RAI14: variants seen among roughly 807,000 people sequenced by gnomAD.
RAI14 encodes retinoic acid induced 14, also known as ankycorbin.
RAI14 carries 45 observed loss-of-function variants against 115.4 expected under a neutral mutation model. The observed-to-expected ratio is 0.39, with a 90% confidence interval of 0.31 to 0.50. The LOEUF (loss-of-function observed/expected upper bound fraction) is 0.50. Ranked by LOEUF, RAI14 falls within the 20% of genes least tolerant of loss-of-function variation. The pLI is 0.85. For synonymous variants in RAI14, 371 were observed against 415.4 expected, an observed-to-expected ratio of 0.89 and a Z score of 1.30; for missense variants, 939 against 1,131.2, an observed-to-expected ratio of 0.83 and a Z score of 2.44.
intron 2 of RAI14, among the ~76,000 whole-genome samples, chr5:34,721,532 A>G (rs546395215): frequency 3.3e-5 from 5 of 152,230 alleles, no homozygotes; most frequent in African/African-American, 1.2e-4. Context: ...GCCAGGCTCA[A>G]AAAAGTAAAC....
intron 1 of RAI14, among the ~76,000 whole-genome samples, chr5:34,659,576 T>C (rs1335945896): frequency 6.6e-6 from 1 of 152,218 alleles, no homozygotes; most frequent in East Asian, 1.9e-4. Flanking sequence ...TGTTACACTT[T>C]TTCTGCTGAG....
chr5:34,681,121 GTGT>G (rs1236638857), intron 1 of RAI14, among the ~76,000 whole-genome samples: 1 of 152,214 alleles, frequency 6.6e-6, no homozygotes, highest in Non-Finnish European at 1.5e-5. Flanking sequence ...GTGAGGTACT[GTGT>G]TGTTAAGGTA....
chr5:34,685,975 G>A (rs1744823310), intron 1 of RAI14, among the ~76,000 whole-genome samples: 1 of 152,186 alleles, frequency 6.6e-6, no homozygotes, highest in African/African-American at 2.4e-5. Flanking sequence ...CCTGAGGAAT[G>A]AGCTATTTGA....
chr5:34,824,429 C>A lies in RAI14; in HGVS notation c.2587C>A (p.Leu863Ile), dbSNP rs760088377. 2 of 1,605,160 alleles carry A rather than the reference C, an allele frequency of 1.2e-6. No individual in the cohort carries two copies. Among genetic ancestry groups the A allele is most frequent in the Non-Finnish European group, 1.7e-6 (2 of 1,174,012 alleles). The change falls in exon 15 of 18, where the codon CTT (leucine) becomes ATT (isoleucine). Residue 863 changes from leucine (L) to isoleucine (I), a missense_variant. Physicochemically the swap from Leu to Ile is conservative, Grantham distance 5 (BLOSUM62 2). Coordinates refer to ENST00000265109, the MANE Select transcript of RAI14 (RefSeq NM_015577.3). ...AAAATTCCAGCAAGCTCAGGAAGAA[C>A]TTGCAGAAATGAAAAGATACGCTGA... ...LQKFQQAQEELAEMKRYAESS... is the reference protein window; with the variant it reads ...LQKFQQAQEEIAEMKRYAESS...
In RAI14 at chr5:34,823,284, T is replaced by A; in HGVS notation, c.1442T>A (p.Leu481His). Residue 481 changes from leucine (L) to histidine (H), a missense_variant, in exon 15 of 18, where the codon CTC (leucine) becomes CAC (histidine). Coordinates refer to ENST00000265109, the MANE Select transcript of RAI14 (RefSeq NM_015577.3). This position sits in a 1 kb window ranked among gnomAD's most constrained non-coding sequence, Gnocchi z 4.5. Reference protein sequence around the residue: ...NTEISENSSDLSQKLKETQSK... With the variant: ...NTEISENSSDHSQKLKETQSK... ...GAGATTTCAGAGAACAGCTCTGACC[T>A]CAGCCAGAAACTTAAAGAAACTCAG... 6.2e-7 allele frequency: 1 copy of A among 1,614,004 alleles called. No individual in the cohort carries two copies. The highest frequency in any genetic ancestry group is 8.5e-7 in the Non-Finnish European group (1 of 1,179,994).
At chr5:34,672,307 C>T (rs1383694154) in intron 1 of RAI14, among the ~76,000 whole-genome samples, 1 of 152,070 alleles carries the variant, frequency 6.6e-6, no homozygotes, top group Non-Finnish European at 1.5e-5. Flanking sequence ...ATTGTAAGTT[C>T]TTGAGTAGCC....
At chr5:34,750,085 C>A (rs1368629223) in intron 2 of RAI14, among the ~76,000 whole-genome samples, 1 of 152,106 alleles carries the variant, frequency 6.6e-6, no homozygotes, top group Non-Finnish European at 1.5e-5. Flanking sequence ...AGAAGAATCA[C>A]CATTTTAGGT....
intron 2 of RAI14, among the ~76,000 whole-genome samples, chr5:34,726,103 C>T (rs1311527856): frequency 1.3e-5 from 2 of 151,512 alleles, no homozygotes; most frequent in African/African-American, 4.9e-5. Context: ...AGGCCAGACA[C>T]GGTGGCTCAT....
intron 2 of RAI14, among the ~76,000 whole-genome samples, chr5:34,709,926 C>T (rs952830909): frequency 6.6e-5 from 10 of 152,128 alleles, no homozygotes; most frequent in East Asian, 5.8e-4. Context: ...CAAACCATCC[C>T]GAAGAAAAGC....
intron 3 of RAI14, among the ~76,000 whole-genome samples, chr5:34,768,189 AC>A (rs1454533197): frequency 2.0e-5 from 3 of 147,112 alleles, no homozygotes; most frequent in African/African-American, 7.6e-5. Flanking sequence ...GATGTGAGGG[AC>A]TCTGTGAGGG....
In RAI14 at chr5:34,791,789, G is replaced by A. The variant is rs1752942017; in HGVS notation, c.168-4150G>A. ...TCTACTCTTGACCTAAAGGGGCAAGGAGGGAAAGCTGCAGCTGTGGCTGTG... is the reference window on the plus strand; with the variant it reads ...TCTACTCTTGACCTAAAGGGGCAAGAAGGGAAAGCTGCAGCTGTGGCTGTG... On this transcript the variant is annotated intron_variant, in intron 3 of 17. Coordinates refer to ENST00000265109, the MANE Select transcript of RAI14 (RefSeq NM_015577.3). The surrounding 1 kb of genome is among the most constrained non-coding windows in gnomAD (Gnocchi z 5.4). Among the ~76,000 whole-genome samples, 1 of 152,234 alleles carries A rather than the reference G, an allele frequency of 6.6e-6. No individual in the cohort carries two copies. The highest frequency in any genetic ancestry group is 1.9e-4 in the East Asian group (1 of 5,200).
At chr5:34,744,322 A>G (rs1449927568) in intron 2 of RAI14, among the ~76,000 whole-genome samples, 2 of 152,204 alleles carry the variant, frequency 1.3e-5, no homozygotes, top group African/African-American at 4.8e-5. Flanking sequence ...AGGCCTTATG[A>G]ACATGTTTAT....
At chr5:34,762,075 T>C (rs1748727199) in intron 3 of RAI14, among the ~76,000 whole-genome samples, 6 of 152,242 alleles carry the variant, frequency 3.9e-5, no homozygotes, top group Admixed American at 3.9e-4. Flanking sequence ...TGTTGGTCTT[T>C]CCCATTGTTC....
intron 4 of RAI14, among the ~76,000 whole-genome samples, chr5:34,802,659 C>T (rs958479438): frequency 6.6e-6 from 1 of 152,096 alleles, no homozygotes; most frequent in Non-Finnish European, 1.5e-5. Context: ...CCTCACCAAG[C>T]TTATATTCTC....
intron 2 of RAI14, among the ~76,000 whole-genome samples, chr5:34,694,993 A>C (rs920444880): frequency 2.6e-5 from 4 of 151,960 alleles, no homozygotes; most frequent in Non-Finnish European, 5.9e-5. Context: ...CTGCCTCTGG[A>C]GTTCAAGTGA....
At chr5:34,819,497 C>T (rs919419911) in intron 13 of RAI14, among the ~76,000 whole-genome samples, 2 of 152,128 alleles carry the variant, frequency 1.3e-5, no homozygotes, top group Admixed American at 6.5e-5. Context: ...AGTAGACACA[C>T]GCAAAGACAA....
chr5:34,662,890 G>A (rs1447507997), intron 1 of RAI14, among the ~76,000 whole-genome samples: 2 of 151,410 alleles, frequency 1.3e-5, no homozygotes, highest in African/African-American at 2.4e-5. Context: ...CACCATGCCC[G>A]GCTGATTTTT....
At chr5:34,725,764 G>T (rs1743365391) in intron 2 of RAI14, among the ~76,000 whole-genome samples, 1 of 151,852 alleles carries the variant, frequency 6.6e-6, no homozygotes, top group Non-Finnish European at 1.5e-5. Context: ...TCAGGAGTTT[G>T]AGACCAGCCT....
chr5:34,745,820 G>T, intron 2 of RAI14, among the ~76,000 whole-genome samples: 1 of 151,988 alleles, frequency 6.6e-6, no homozygotes, highest in East Asian at 1.9e-4. Flanking sequence ...GGAGCTATTG[G>T]AGCATTACCA....
Sources: gnomAD v4.1 joint callset for allele counts (sites outside exome capture counted in the v4.1 genomes callset) on GRCh38, gnomAD v4.1.1 for gene constraint, Gnocchi (gnomAD v3.1) non-coding constraint, MANE v1.5 for transcripts, NCBI Gene and HGNC (gene_info 2026-07-23, HGNC 2026-07-21) for gene names.